TMEM212: variants seen among roughly 807,000 people sequenced by gnomAD.
TMEM212 encodes the protein transmembrane protein 212.
In TMEM212, 23 loss-of-function variants were observed where a neutral mutation model predicts 20.5. The ratio of observed to expected loss-of-function variants is 1.12; its 90% confidence interval spans 0.81 to 1.59. The LOEUF is 1.59. TMEM212 is among the 40% of genes most tolerant of loss of function. The pLI is 0.00. For missense variants in TMEM212, 211 were observed against 215.0 expected (o/e 0.98, Z 0.12); for synonymous variants, 76 against 81.6 (o/e 0.93, Z 0.37).
Position 171,853,810 on chromosome 3 carries a change from T to A in TMEM212, c.503T>A (p.Ile168Asn). ...CTCTGTACATCCTTGACAGTGTTCA[T>A]CAAACTTTCTGCAAGACTTATCCAG... ...TLLCTSLTVFIKLSARLIQNG... is the reference protein window; with the variant it reads ...TLLCTSLTVFNKLSARLIQNG... The change falls in exon 3 of 5, where the codon ATC (isoleucine) becomes AAC (asparagine). Residue 168 changes from isoleucine (I) to asparagine (N), a missense_variant. Ile to Asn is a moderately radical substitution (Grantham distance 149). Coordinates refer to ENST00000334567, the MANE Select transcript of TMEM212 (RefSeq NM_001164436.2). 1 of 1,536,948 alleles carries A rather than the reference T, an allele frequency of 6.5e-7. No homozygotes were observed.
chr3:171,853,063 T>C (rs922037966), intron 2 of TMEM212, among the ~76,000 whole-genome samples: 5 of 152,344 alleles, frequency 3.3e-5, no homozygotes, highest in Admixed American at 6.5e-5. Flanking sequence ...GTTGCTTCCA[T>C]GTGATGGGAA....
intron 1 of TMEM212, among the ~76,000 whole-genome samples, chr3:171,850,221 G>C (rs999881628): frequency 2.0e-5 from 3 of 152,122 alleles, no homozygotes; most frequent in African/African-American, 4.8e-5. Context: ...AGATGGGTGC[G>C]CTAACCTCTT....
chr3:171,856,240 T>C lies in TMEM212; in HGVS notation c.544-423T>C, dbSNP rs570192171. ...CACTTTAAGGACAAAATTCTTAAATTTAAATGCTACAGAATTTAAGAGCTT... is the reference window on the plus strand; with the variant it reads ...CACTTTAAGGACAAAATTCTTAAATCTAAATGCTACAGAATTTAAGAGCTT... On this transcript the variant is annotated intron_variant, in intron 3 of 4. Transcript: ENST00000334567. Among the ~76,000 whole-genome samples the C allele has an allele frequency of 5.9e-5, 9 of 152,346 alleles. No individual in the cohort carries two copies. The South Asian group carries it at 1.2e-3, about 21-fold the overall frequency.
chr3:171,845,803 A>C lies in TMEM212; in HGVS notation c.159+2261A>C, dbSNP rs769698990. Among the ~76,000 whole-genome samples, 11 of 152,148 alleles carry C rather than the reference A, an allele frequency of 7.2e-5. 1 individual carries two copies. Among genetic ancestry groups the C allele is most frequent in the Non-Finnish European group, 1.3e-4 (9 of 68,024 alleles). ...CAGTTCCTCATTCCCTTTATCTGTA[A>C]AATGGGGAATTTTACAGATAAAAAG... On this transcript the variant is annotated intron_variant, in intron 1 of 4. Transcript: ENST00000334567.
At chr3:171,845,261 C>A (rs931870506) in intron 1 of TMEM212, among the ~76,000 whole-genome samples, 1 of 152,152 alleles carries the variant, frequency 6.6e-6, no homozygotes, top group Non-Finnish European at 1.5e-5. Context: ...CATCTACATT[C>A]TTCTCTCTAG....
Position 171,859,263 on chromosome 3 carries a change from A to G in TMEM212, c.*1206A>G, listed in dbSNP as rs907673470. On this transcript the variant is annotated 3_prime_UTR_variant, in exon 5 of 5. Coordinates refer to ENST00000334567, the MANE Select transcript of TMEM212 (RefSeq NM_001164436.2). ...ATATATACCTATGCAACAAACCTGC[A>G]TGTTGTGCACATGTACCCTAGAACT... 1 of 152,188 alleles carries G rather than the reference A, an allele frequency of 6.6e-6. No individual in the cohort carries two copies. The highest frequency in any genetic ancestry group is 2.4e-5 in the African/African-American group (1 of 41,448). 9.4% of individuals were successfully genotyped at this position (152,188 alleles called of 1,614,324 possible).
intron 3 of TMEM212, among the ~76,000 whole-genome samples, chr3:171,855,533 G>A (rs1725094398): frequency 6.6e-6 from 1 of 152,062 alleles, no homozygotes; most frequent in Non-Finnish European, 1.5e-5. Context: ...TGCCAGACCT[G>A]GATATCAAAA....
rs904259113 is a variant in TMEM212, at chr3:171,843,439, G to A, written c.56G>A (p.Ser19Asn). 3 of 1,537,082 alleles carry A rather than the reference G, an allele frequency of 2.0e-6. No individual in the cohort carries two copies. The highest frequency in any genetic ancestry group is 3.9e-5 in the Admixed American group (2 of 50,992). The stretch of plus-strand genomic sequence containing the variant: ...ATTCTTGTTACTCTGGGGATCCTCA[G>A]TGTATGCTCTGGAGTTATTGCTTTC... ...GRILVTLGIL[S>N]VCSGVIAFFP... The change falls in exon 1 of 5, where the codon AGT becomes AAT. Residue 19 changes from serine to asparagine, a missense_variant. By Grantham distance (46) the Ser-to-Asn change is conservative. Transcript: ENST00000334567.
chr3:171,848,275 G>C (rs375433779), intron 1 of TMEM212, among the ~76,000 whole-genome samples: 10 of 152,158 alleles, frequency 6.6e-5, no homozygotes, highest in African/African-American at 2.4e-4. Context: ...TGAGTTCCCA[G>C]AGGATGCCCA....
At chr3:171,854,966 A>AT (rs1279400728) in intron 3 of TMEM212, among the ~76,000 whole-genome samples, 3 of 152,032 alleles carry the variant, frequency 2.0e-5, no homozygotes, top group South Asian at 2.1e-4. Context: ...GTAAAAAGAA[A>AT]TTTTTTTTAA....
At chr3:171,854,888 G>T (rs528607288) in intron 3 of TMEM212, among the ~76,000 whole-genome samples, 3 of 152,120 alleles carry the variant, frequency 2.0e-5, no homozygotes, top group Admixed American at 1.3e-4. Context: ...CAAGAAAAAG[G>T]GATATTTAGG....
Position 171,853,753 on chromosome 3 carries a change from AAGCCCT to A in TMEM212, c.449_454del (p.Ala150_Leu151del). ...TACGAAGAGTACCACCTGACACTTC[AAGCCCT>A]AGACCTGTGCCTAAGCTTTACCCTA... On this transcript the variant is annotated inframe_deletion, in exon 3 of 5. Coordinates refer to ENST00000334567, the MANE Select transcript of TMEM212 (RefSeq NM_001164436.2). The A allele has an allele frequency of 6.5e-7, 1 of 1,537,446 alleles. No homozygotes were observed. Among genetic ancestry groups the A allele is most frequent in the East Asian group, 2.4e-5 (1 of 40,918 alleles).
At chr3:171,848,356 G>C (rs1724885442) in intron 1 of TMEM212, among the ~76,000 whole-genome samples, 1 of 152,044 alleles carries the variant, frequency 6.6e-6, no homozygotes, top group Admixed American at 6.6e-5. Context: ...ACTCTAATCA[G>C]TTGCCATGTA....
chr3:171,850,857 G>A (rs148153478), intron 1 of TMEM212, among the ~76,000 whole-genome samples: 56 of 152,038 alleles, frequency 3.7e-4, no homozygotes, highest in Non-Finnish European at 7.2e-4. Flanking sequence ...GTGCACGCGC[G>A]TGTGTGTTTC....
At chr3:171,849,184 C>T (rs564945585) in intron 1 of TMEM212, among the ~76,000 whole-genome samples, 28 of 152,218 alleles carry the variant, frequency 1.8e-4, no homozygotes, top group African/African-American at 6.7e-4. Context: ...GAGCTGCCCT[C>T]CCTCTGTCAC....
chr3:171,848,649 G>C (rs1338859670), intron 1 of TMEM212, among the ~76,000 whole-genome samples: 3 of 151,858 alleles, frequency 2.0e-5, no homozygotes, highest in Admixed American at 2.0e-4. Flanking sequence ...GAGTGGAGTG[G>C]AGTGGAATGG....
chr3:171,857,775 T>C (rs1415208473), intron 4 of TMEM212, among the ~76,000 whole-genome samples: 3 of 152,158 alleles, frequency 2.0e-5, no homozygotes, highest in Non-Finnish European at 2.9e-5. Flanking sequence ...AACAGGTACA[T>C]GAAAAGGTGT....
intron 2 of TMEM212, among the ~76,000 whole-genome samples, chr3:171,852,916 T>C (rs1023348894): frequency 6.6e-6 from 1 of 152,238 alleles, no homozygotes; most frequent in Non-Finnish European, 1.5e-5. Flanking sequence ...GGGTGAGGCC[T>C]GAGATTCTGC....
rs185234563 is a variant in TMEM212 at position 171,848,918 on chromosome 3, T to C, written c.160-3064T>C. Among the ~76,000 whole-genome samples, 3 of 151,902 alleles carry C rather than the reference T, an allele frequency of 2.0e-5. No individual in the cohort carries two copies. The East Asian group carries it at 5.8e-4, about 29-fold the overall frequency. On this transcript the variant is annotated intron_variant, in intron 1 of 4. Transcript: ENST00000334567. ...TAGTGTGCACACAACTGGCTCATCTTTCTAAACCCCTTCAGTAGTCAGGCT... is the reference window on the plus strand; with the variant it reads ...TAGTGTGCACACAACTGGCTCATCTCTCTAAACCCCTTCAGTAGTCAGGCT...
Sources: gnomAD v4.1 joint callset for allele counts (sites outside exome capture counted in the v4.1 genomes callset) on GRCh38, gnomAD v4.1.1 for gene constraint, MANE v1.5 for transcripts, NCBI Gene and HGNC (gene_info 2026-07-23, HGNC 2026-07-21) for gene names.